EXOC2: variants seen among roughly 807,000 people sequenced by gnomAD.
EXOC2 encodes SEC5-like 1.
EXOC2 carries 70 observed loss-of-function variants against 131.8 expected under a neutral mutation model. The observed-to-expected ratio is 0.53, with a 90% confidence interval of 0.44 to 0.65. The LOEUF is 0.65. EXOC2 is among the 30% of genes least tolerant of loss of function. The probability of loss-of-function intolerance (pLI) is 0.00; values close to 1 mark genes in which losing one functional copy is unlikely to be tolerated. For synonymous variants in EXOC2, 411 were observed against 398.4 expected (o/e 1.03, Z -0.38); for missense variants, 923 against 1,108.6 (o/e 0.83, Z 2.38).
intron 21 of EXOC2, among the ~76,000 whole-genome samples, chr6:552,828 G>T (rs1757217758): frequency 6.6e-6 from 1 of 151,876 alleles, no homozygotes; most frequent in Admixed American, 6.6e-5. Flanking sequence ...GAACATTTGG[G>T]TCAAACAGTT....
intron 1 of EXOC2, among the ~76,000 whole-genome samples, chr6:668,194 C>T (rs1763701832): frequency 6.6e-6 from 1 of 152,038 alleles, no homozygotes; most frequent in Admixed American, 6.6e-5. Context: ...TGGATAGTTG[C>T]CTATTATTAA....
At chr6:656,140 C>G (rs1763066672) in intron 1 of EXOC2, 1 of 1,612,820 alleles carries the variant, frequency 6.2e-7, no homozygotes, top group Non-Finnish European at 8.5e-7. Flanking sequence ...TGAAGAGAGA[C>G]ATCTTCTTGA....
chr6:653,680 T>G (rs1762931869), intron 1 of EXOC2, among the ~76,000 whole-genome samples: 2 of 152,242 alleles, frequency 1.3e-5, no homozygotes, highest in African/African-American at 4.8e-5. Context: ...ATGCAGAAGC[T>G]GCAGCAAGTT....
intron 4 of EXOC2, among the ~76,000 whole-genome samples, chr6:629,560 T>C (rs1160561566): frequency 6.6e-6 from 1 of 152,242 alleles, no homozygotes; most frequent in East Asian, 1.9e-4. Flanking sequence ...TAACCATCTC[T>C]AGACAACATA....
At chr6:631,485 C>A (rs1581593517) in intron 3 of EXOC2, among the ~76,000 whole-genome samples, 3 of 152,002 alleles carry the variant, frequency 2.0e-5, no homozygotes, top group Non-Finnish European at 4.4e-5. Context: ...TTGCAGTAAG[C>A]CAAGATTGAG....
intron 6 of EXOC2, among the ~76,000 whole-genome samples, chr6:613,144 C>A (rs1760801114): frequency 1.3e-5 from 2 of 152,128 alleles, no homozygotes; most frequent in African/African-American, 4.8e-5. Flanking sequence ...GAGGGAAGGC[C>A]ATGGCAAAAT....
chr6:571,054 A>C (rs1238704684), intron 13 of EXOC2, among the ~76,000 whole-genome samples: 1 of 152,244 alleles, frequency 6.6e-6, no homozygotes, highest in Non-Finnish European at 1.5e-5. Context: ...GGAAAGACTT[A>C]TCAGGACAAA....
intron 16 of EXOC2, among the ~76,000 whole-genome samples, chr6:563,238 G>A (rs1188902524): frequency 6.6e-6 from 1 of 152,158 alleles, no homozygotes; most frequent in Non-Finnish European, 1.5e-5. Flanking sequence ...GAATCCTACA[G>A]ATTCCTGACA....
In EXOC2 at chr6:684,124, G is replaced by A. The variant is rs144804504; in HGVS notation, c.-44+8895C>T. Among the ~76,000 whole-genome samples, 731 of 152,264 alleles carry A rather than the reference G, an allele frequency of 4.8e-3. 7 individuals carry two copies. The highest frequency in any genetic ancestry group is 0.016 in the African/African-American group (666 of 41,550). ...CAGCGCCAGCTGAACTCCCTCGCACGCAACATCTACAAGCTGTCACTCTGC... is the reference window on the plus strand; with the variant it reads ...CAGCGCCAGCTGAACTCCCTCGCACACAACATCTACAAGCTGTCACTCTGC... On this transcript the variant is annotated intron_variant, in intron 1 of 27. Transcript: ENST00000230449.
At position 577,533 on chromosome 6, in the gene EXOC2, G is replaced by T. The variant is rs575312263; in HGVS notation, c.1193-651C>A. ...CAATCCAAATTATGCTGAGAATTAG[G>T]AAACAATTTTTCTAAAATGGATCAC... On this transcript the variant is annotated intron_variant, in intron 11 of 27. Transcript: ENST00000230449. Among the ~76,000 whole-genome samples the T allele has an allele frequency of 4.1e-4, 63 of 152,242 alleles. 2 individuals are homozygous for T. The South Asian group carries it at 0.013, about 31-fold the overall frequency.
chr6:576,132 A>T (rs1180354884), intron 12 of EXOC2, among the ~76,000 whole-genome samples: 1 of 152,208 alleles, frequency 6.6e-6, no homozygotes, highest in African/African-American at 2.4e-5. Context: ...TATTTCTATT[A>T]GTCTATTTGG....
chr6:646,308 C>T (rs942541796), intron 1 of EXOC2, among the ~76,000 whole-genome samples: 3 of 87,804 alleles, frequency 3.4e-5, no homozygotes, highest in Admixed American at 3.4e-4. Flanking sequence ...AAATGGTTCA[C>T]AAAAACATAG....
At chr6:669,632 T>A (rs561199495) in intron 1 of EXOC2, 3 of 152,502 alleles carry the variant, frequency 2.0e-5, no homozygotes, top group Admixed American at 6.5e-5. Flanking sequence ...GCAGGCTCGC[T>A]GCTTTGGGCT....
At chr6:665,620 G>A (rs1216738035) in intron 1 of EXOC2, among the ~76,000 whole-genome samples, 1 of 152,174 alleles carries the variant, frequency 6.6e-6, no homozygotes, top group Non-Finnish European at 1.5e-5. Context: ...TGAATTAATA[G>A]CATTTGCAGT....
chr6:658,684 G>A (rs1217372234), intron 1 of EXOC2, among the ~76,000 whole-genome samples: 3 of 96,544 alleles, frequency 3.1e-5, no homozygotes, highest in African/African-American at 7.9e-5. Flanking sequence ...TTTTTTAGAC[G>A]AAGTCTTGCT....
At chr6:606,717 C>T (rs1448317702) in intron 7 of EXOC2, among the ~76,000 whole-genome samples, 2 of 152,208 alleles carry the variant, frequency 1.3e-5, no homozygotes, top group South Asian at 2.1e-4. Context: ...CTTTTCTTCA[C>T]ATTTGCTCAC....
At chr6:607,028 G>A (rs1351661992) in intron 7 of EXOC2, among the ~76,000 whole-genome samples, 1 of 152,188 alleles carries the variant, frequency 6.6e-6, no homozygotes, top group African/African-American at 2.4e-5. Flanking sequence ...TATCGCTGGT[G>A]GCCTTGAAGG....
intron 23 of EXOC2, among the ~76,000 whole-genome samples, chr6:512,329 TTCC>T (rs1473328618): frequency 6.6e-6 from 1 of 152,244 alleles, no homozygotes; most frequent in East Asian, 1.9e-4. Context: ...GATCCTCCTC[TTCC>T]TCCTCAGCCT....
intron 11 of EXOC2, among the ~76,000 whole-genome samples, chr6:584,038 A>G (rs1298820018): frequency 6.6e-6 from 1 of 152,256 alleles, no homozygotes; most frequent in Non-Finnish European, 1.5e-5. Flanking sequence ...CCATAAAAAA[A>G]GAAGCTTCCT....
Sources: allele counts gnomAD v4.1 joint callset (sites outside exome capture counted in the v4.1 genomes callset), GRCh38; gene constraint gnomAD v4.1.1; transcripts MANE v1.5; gene names NCBI Gene and HGNC (gene_info 2026-07-23, HGNC 2026-07-21).